The following ACYP2 variants were observed in gnomAD, a reference collection of about 807,000 sequenced individuals.
The protein encoded by ACYP2 is acylphosphatase 2.
A neutral mutation model predicts 11.2 loss-of-function variants in ACYP2; 12 were observed. The ratio of observed to expected loss-of-function variants is 1.08; its 90% CI spans 0.69 to 1.74. The LOEUF is 1.74. Ranked by LOEUF, ACYP2 falls within the 40% of genes most tolerant of loss-of-function variation. ACYP2 has a pLI of 0.00. For synonymous variants in ACYP2, 43 were observed against 32.2 expected (o/e 1.33, Z -1.13); for missense variants, 134 against 101.9 (o/e 1.31, Z -1.35).
chr2:54,143,758 G>T (rs57241201), intron 6 of ACYP2, among the ~76,000 whole-genome samples: 18 of 75,050 alleles, frequency 2.4e-4, no homozygotes, highest in South Asian at 1.4e-3. Flanking sequence ...TTTTTTTTTT[G>T]GGGGGGGGGT....
chr2:54,259,396 A>G (rs1375631760), intron 6 of ACYP2, among the ~76,000 whole-genome samples: 1 of 152,226 alleles, frequency 6.6e-6, no homozygotes, highest in African/African-American at 2.4e-5. Flanking sequence ...GTGAGTCCTG[A>G]TAAGCTGGGC....
intron 3 of ACYP2, chr2:54,057,179 G>A (rs58851686): frequency 2.5e-6 from 1 of 395,402 alleles, no homozygotes. Flanking sequence ...TATGCAACCT[G>A]CCCTTGGGGT....
At chr2:54,255,216 C>A in intron 6 of ACYP2, 2 of 1,614,216 alleles carry the variant, frequency 1.2e-6, no homozygotes, top group Non-Finnish European at 8.5e-7. Flanking sequence ...TGACCTCATA[C>A]ACCTTTACAA....
chr2:54,195,478 A>G (rs1684424835), intron 6 of ACYP2, among the ~76,000 whole-genome samples: 1 of 152,128 alleles, frequency 6.6e-6, no homozygotes. Flanking sequence ...CTTACGTAAG[A>G]GAAGTACAGA....
intron 2 of ACYP2, chr2:53,975,376 A>G (rs868716077): frequency 1.0e-5 from 4 of 397,736 alleles, no homozygotes; most frequent in Admixed American, 4.4e-5. Context: ...GGAGAACACT[A>G]TTGAAATGCT....
At chr2:54,117,145 C>T (rs769569422) in intron 4 of ACYP2, among the ~76,000 whole-genome samples, 3 of 152,134 alleles carry the variant, frequency 2.0e-5, no homozygotes, top group African/African-American at 4.8e-5. Flanking sequence ...ATTTAGAACT[C>T]ATTGTATTCA....
At chr2:54,255,368 G>T in intron 6 of ACYP2, 3 of 1,614,168 alleles carry the variant, frequency 1.9e-6, no homozygotes, top group Non-Finnish European at 2.5e-6. Context: ...ATGGCAGACA[G>T]CTGTGGGTGG....
At chr2:54,280,377 G>A (rs1035290789) in intron 6 of ACYP2, among the ~76,000 whole-genome samples, 6 of 152,122 alleles carry the variant, frequency 3.9e-5, no homozygotes, top group African/African-American at 1.2e-4. Context: ...GGGTGGGAAG[G>A]GGGCATGGAG....
Position 54,207,912 on chromosome 2 carries a change from C to T in ACYP2, c.404+69164C>T, listed in dbSNP as rs1013236957. Among the ~76,000 whole-genome samples the T allele has an allele frequency of 3.3e-5, 5 of 152,216 alleles. No individual in the cohort carries two copies. The East Asian group carries it at 5.8e-4, about 18-fold the overall frequency. ...AATTTTGAACGCATACTTAGAAGAG[C>T]GGCCAAAATGTAGATTAGAGAGAGA... On this transcript the variant is annotated intron_variant, in intron 6 of 6. Coordinates refer to ENST00000607452, the MANE Select transcript of ACYP2 (RefSeq NM_001320586.2).
intron 4 of ACYP2, among the ~76,000 whole-genome samples, chr2:54,116,957 G>A (rs777906234): frequency 2.6e-5 from 4 of 152,170 alleles, no homozygotes; most frequent in Non-Finnish European, 4.4e-5. Context: ...ATTCAGGTCA[G>A]AGCAGGTGAC....
At chr2:54,126,085 A>T (rs1680477896) in intron 4 of ACYP2, among the ~76,000 whole-genome samples, 3 of 152,216 alleles carry the variant, frequency 2.0e-5, no homozygotes, top group African/African-American at 7.2e-5. Context: ...CGACTCAAAA[A>T]AAATAAATAA....
At chr2:54,291,084 C>CCACCA (rs1253226805) in intron 6 of ACYP2, among the ~76,000 whole-genome samples, 1 of 152,208 alleles carries the variant, frequency 6.6e-6, no homozygotes, top group Non-Finnish European at 1.5e-5. Context: ...GCTTCCACCC[C>CCACCA]CACCACTTCA....
intron 2 of ACYP2, among the ~76,000 whole-genome samples, chr2:54,038,550 G>A (rs1470604709): frequency 1.3e-5 from 2 of 151,056 alleles, no homozygotes; most frequent in Admixed American, 6.6e-5. Context: ...TCTCCATTTT[G>A]TAGATGAGGA....
intron 2 of ACYP2, among the ~76,000 whole-genome samples, chr2:54,035,296 C>A (rs1453495855): frequency 7.1e-6 from 1 of 139,902 alleles, no homozygotes; most frequent in Non-Finnish European, 1.5e-5. Context: ...GACAGAGTCT[C>A]GCTCTGTCGC....
Position 54,166,176 on chromosome 2 carries a change from G to A in ACYP2, c.404+27428G>A, listed in dbSNP as rs1366657491. Among the ~76,000 whole-genome samples, 3 of 152,152 alleles carry A rather than the reference G, an allele frequency of 2.0e-5. No homozygotes were observed. The East Asian group carries it at 5.8e-4, about 29-fold the overall frequency. ...AGTGTGTGCGCTCCACTTGACCATG[G>A]TGTTGTCAGAGAGCACCCAGAGGGC... On this transcript the variant is annotated intron_variant, in intron 6 of 6. Coordinates refer to ENST00000607452, the MANE Select transcript of ACYP2 (RefSeq NM_001320586.2).
At chr2:54,255,617 C>A (rs746760341) in intron 6 of ACYP2, 1 of 1,613,652 alleles carries the variant, frequency 6.2e-7, no homozygotes, top group Admixed American at 1.7e-5. Context: ...TCATCTATTG[C>A]TCTGTTTTCT....
chr2:54,203,255 T>C (rs1011126748), intron 6 of ACYP2, among the ~76,000 whole-genome samples: 3 of 147,066 alleles, frequency 2.0e-5, no homozygotes, highest in Non-Finnish European at 4.4e-5. Context: ...TGCTTAATTT[T>C]ATTTTAAGAT....
intron 4 of ACYP2, among the ~76,000 whole-genome samples, chr2:54,097,903 C>A (rs1456626998): frequency 8.2e-6 from 1 of 122,314 alleles, no homozygotes; most frequent in African/African-American, 2.8e-5. Context: ...CTCCCTCCTT[C>A]CTTCCTTTCT....
At chr2:54,078,415 TATGGTACGC>T (rs1234830831) in intron 4 of ACYP2, among the ~76,000 whole-genome samples, 1 of 127,376 alleles carries the variant, frequency 7.9e-6, no homozygotes, top group Non-Finnish European at 1.7e-5. Context: ...GCGTACCATA[TATGGTACGC>T]ATATATATAT....
Sources: allele counts gnomAD v4.1 joint callset (sites outside exome capture counted in the v4.1 genomes callset), GRCh38; gene constraint gnomAD v4.1.1; transcripts MANE v1.5; gene names NCBI Gene and HGNC (gene_info 2026-07-23, HGNC 2026-07-21).